NDST2: variants seen among roughly 807,000 people sequenced by gnomAD.
The protein encoded by NDST2 is N-deacetylase and N-sulfotransferase 2, also known as bifunctional heparan sulfate N-deacetylase/N-sulfotransferase 2.
NDST2 carries 32 observed loss-of-function variants against 86.9 expected under a neutral mutation model. The observed-to-expected ratio is 0.37, with a 90% CI of 0.28 to 0.49. The LOEUF (loss-of-function observed/expected upper bound fraction) is 0.49. NDST2 is among the 20% of genes least tolerant of loss of function. The pLI, the probability that NDST2 is intolerant of heterozygous loss-of-function variation, is 0.97. For missense variants in NDST2, 950 were observed against 1,146.9 expected, an observed-to-expected ratio of 0.83 and a Z score of 2.48; for synonymous variants, 409 against 437.0, an observed-to-expected ratio of 0.94 and a Z score of 0.80.
Position 73,808,068 on chromosome 10 carries a change from C to T in NDST2, c.321G>A (p.Glu107=), listed in dbSNP as rs2084136324. 6.2e-7 allele frequency: 1 copy of T among 1,614,260 alleles called. No homozygotes were observed. Among genetic ancestry groups the T allele is most frequent in the East Asian group, 2.2e-5 (1 of 44,890 alleles). ...CAGTGCTATAACGAAAACGACTAGA[C>T]TCCAGGATGGCCACAATTTCCTGCC... ...QLGQEIVAIL[E]SSRFRYSTEL... The change falls in exon 3 of 15, where the codon GAG becomes GAA. Residue 107 remains glutamate, a synonymous_variant. Coordinates refer to ENST00000309979, the MANE Select transcript of NDST2 (RefSeq NM_003635.4). The surrounding 1 kb of genome is among the most constrained non-coding windows in gnomAD (Gnocchi z 4.3).
rs752343039 is a variant in NDST2 at position 73,805,869 on chromosome 10, A to T, written c.1563+31T>A. The T allele has an allele frequency of 3.1e-6, 5 of 1,613,784 alleles. No homozygotes were observed. In the East Asian group the frequency reaches 8.9e-5, roughly 29 times the overall value. On this transcript the variant is annotated intron_variant, in intron 7 of 14. Transcript: ENST00000309979. Reference sequence around the variant, plus strand: ...CAGCCTGCAAACACCTTGGCTCTCCAATCTTCTAGCCGTTCCTCTCAGCAC... The same window carrying T: ...CAGCCTGCAAACACCTTGGCTCTCCTATCTTCTAGCCGTTCCTCTCAGCAC...
chr10:73,802,884 CAG>C (rs1236125024), intron 13 of NDST2, 86 bp downstream of exon 13: 5 of 1,522,740 alleles, frequency 3.3e-6, no homozygotes, highest in Non-Finnish European at 4.6e-6. Flanking sequence ...CCTTGTGAGA[CAG>C]AGTAAATCTA....
In NDST2 at chr10:73,802,441, G is replaced by A. The variant is rs746250236; in HGVS notation, c.*10C>T. 3.7e-6 allele frequency: 6 copies of A among 1,612,264 alleles called. No individual in the cohort carries two copies. In the African/African-American group the frequency reaches 6.7e-5, roughly 18 times the overall value. Reference sequence around the variant, plus strand: ...CAGGGGGCATTTTGCTGGTATGGGAGGCTGGGACATCAGCCCAGACTGGAA... The same window carrying A: ...CAGGGGGCATTTTGCTGGTATGGGAAGCTGGGACATCAGCCCAGACTGGAA... On this transcript the variant is annotated 3_prime_UTR_variant, in exon 15 of 15. Transcript: ENST00000309979.
Position 73,806,550 on chromosome 10 carries a change from CAAAT to C in NDST2, c.1249-80_1249-77del. On this transcript the variant is annotated intron_variant, in intron 5 of 14. Coordinates refer to ENST00000309979, the MANE Select transcript of NDST2 (RefSeq NM_003635.4). This position sits in a 1 kb window ranked among gnomAD's most constrained non-coding sequence, Gnocchi z 4.5. ...AGGGTAAAGAGGGTGGGGAAGCCTC[CAAAT>C]AAAGAAAAACGCAAAGGATAGGAAA... 2.6e-6 allele frequency: 4 copies of C among 1,551,684 alleles called. No homozygotes were observed. Among genetic ancestry groups the C allele is most frequent in the Non-Finnish European group, 3.5e-6 (4 of 1,144,072 alleles).
intron 9 of NDST2, among the ~76,000 whole-genome samples, 181 bp downstream of exon 9, chr10:73,804,592 G>A (rs1369846690): frequency 6.6e-6 from 1 of 151,928 alleles, no homozygotes; most frequent in Non-Finnish European, 1.5e-5. Context: ...AGCTGAGATC[G>A]TGCCACTGCG....
chr10:73,806,513 T>A lies in NDST2; in HGVS notation c.1249-39A>T. 2 of 1,550,902 alleles carry A rather than the reference T, an allele frequency of 1.3e-6. No homozygotes were observed. Among genetic ancestry groups the A allele is most frequent in the Non-Finnish European group, 8.7e-7 (1 of 1,144,054 alleles). ...AGACTCTCACCAGGACCTGGTGAGG[T>A]TTGGGGAGTAGAGGGTAAAGAGGGT... On this transcript the variant is annotated intron_variant, in intron 5 of 14. Transcript: ENST00000309979. This position sits in a 1 kb window ranked among gnomAD's most constrained non-coding sequence, Gnocchi z 4.5.
At chr10:73,810,036 T>C (rs1393178266) in intron 2 of NDST2, among the ~76,000 whole-genome samples, 2 of 152,168 alleles carry the variant, frequency 1.3e-5, no homozygotes, top group African/African-American at 4.8e-5. Flanking sequence ...TTCTGTAAGC[T>C]TTATTGTCAC....
intron 3 of NDST2, 29 bp downstream of exon 3, chr10:73,807,355 A>G (rs2084121040): frequency 1.2e-6 from 2 of 1,608,930 alleles, no homozygotes; most frequent in Non-Finnish European, 1.7e-6. Flanking sequence ...AATAGCTTCT[A>G]AGAAAAAAAT....
chr10:73,806,325 G>A lies in NDST2; in HGVS notation c.1398C>T (p.Ala466=), dbSNP rs1258184117. The A allele has an allele frequency of 6.2e-7, 1 of 1,614,016 alleles. No homozygotes were observed. Among genetic ancestry groups the A allele is most frequent in the African/African-American group, 1.3e-5 (1 of 74,918 alleles). Residue 466 remains alanine (A), a synonymous_variant, in exon 6 of 15, where the codon GCC becomes GCT. Coordinates refer to ENST00000309979, the MANE Select transcript of NDST2 (RefSeq NM_003635.4). This position sits in a 1 kb window ranked among gnomAD's most constrained non-coding sequence, Gnocchi z 4.5. ...TGTGAATGAAGCCACGGCGGTAGCGGGCAGGGCGGAGATGGGGATACTCCT... is the reference window on the plus strand; with the variant it reads ...TGTGAATGAAGCCACGGCGGTAGCGAGCAGGGCGGAGATGGGGATACTCCT... ...STEEYPHLRP[A]RYRRGFIHNG...
rs546566125 is a variant in NDST2 at position 73,810,052 on chromosome 10, C to G, written c.-342+747G>C. Reference sequence around the variant, plus strand: ...TCTGTAAGCTTTATTGTCACTATCCCCACTCAGCCTCCTTGTAAGGCTGGC... The same window carrying G: ...TCTGTAAGCTTTATTGTCACTATCCGCACTCAGCCTCCTTGTAAGGCTGGC... On this transcript the variant is annotated intron_variant, in intron 2 of 14. Transcript: ENST00000309979. Among the ~76,000 whole-genome samples, 6 of 152,276 alleles carry G rather than the reference C, an allele frequency of 3.9e-5. No individual in the cohort carries two copies. The East Asian group carries it at 1.2e-3, about 29-fold the overall frequency.
At position 73,806,830 on chromosome 10, in the gene NDST2, C is replaced by A; in HGVS notation, c.1094-19G>T. On this transcript the variant is annotated intron_variant, in intron 4 of 14. Transcript: ENST00000309979. The surrounding 1 kb of genome is among the most constrained non-coding windows in gnomAD (Gnocchi z 4.5). ...TCTGTCCCTATGACCACACGCTGAC[C>A]ACTGACCACAGCCAGTCAGCCCCTG... 1 of 1,609,072 alleles carries A rather than the reference C, an allele frequency of 6.2e-7. No homozygotes were observed. The highest frequency in any genetic ancestry group is 8.5e-7 in the Non-Finnish European group (1 of 1,175,878).
chr10:73,802,723 C>T lies in NDST2; in HGVS notation c.2477G>A (p.Arg826His), dbSNP rs139504385. 61 of 1,614,044 alleles carry T rather than the reference C, an allele frequency of 3.8e-5. 1 individual carries two copies. The highest frequency in any genetic ancestry group is 4.7e-5 in the Non-Finnish European group (55 of 1,180,034). Reference protein sequence around the residue: ...WCQGLEGGKTRCLGRSKGRRY... With the variant: ...WCQGLEGGKTHCLGRSKGRRY... Reference sequence around the variant, plus strand: ...CCGGCCTTTGCTCCGGCCTAGACAGCGAGTCTTACCACCTTCAAGTCCCTG... The same window carrying T: ...CCGGCCTTTGCTCCGGCCTAGACAGTGAGTCTTACCACCTTCAAGTCCCTG... Residue 826 changes from arginine (R) to histidine (H), a missense_variant, in exon 14 of 15, where the codon CGC (arginine) becomes CAC (histidine). Around this residue, in one of 5 missense-constraint regions of NDST2, gnomAD observed 303 missense variants for 323.7 expected, o/e 0.94. Coordinates refer to ENST00000309979, the MANE Select transcript of NDST2 (RefSeq NM_003635.4).
chr10:73,810,461 A>AAAAAATAAAAAT (rs767609292), intron 2 of NDST2, among the ~76,000 whole-genome samples: 1 of 152,094 alleles, frequency 6.6e-6, no homozygotes, highest in African/African-American at 2.4e-5. Context: ...CCAGCTCAAA[A>AAAAAATAAAAAT]AAAAATAAAA....
Position 73,806,864 on chromosome 10 carries a change from T to C in NDST2, c.1094-53A>G. The C allele has an allele frequency of 6.3e-7, 1 of 1,595,770 alleles. No homozygotes were observed. The highest frequency in any genetic ancestry group is 2.2e-5 in the East Asian group (1 of 44,478). On this transcript the variant is annotated intron_variant, in intron 4 of 14. Coordinates refer to ENST00000309979, the MANE Select transcript of NDST2 (RefSeq NM_003635.4). This position sits in a 1 kb window ranked among gnomAD's most constrained non-coding sequence, Gnocchi z 4.5. ...CAGCCAGTCAGCCCCTGTTCCCTCC[T>C]TTATTTTGTAACAACACTGACCACC...
chr10:73,801,925 G>A lies in NDST2; in HGVS notation c.*526C>T, dbSNP rs1370648406. The A allele has an allele frequency of 6.7e-6, 3 of 446,646 alleles. No homozygotes were observed. Among genetic ancestry groups the A allele is most frequent in the Non-Finnish European group, 1.1e-5 (3 of 260,920 alleles). 27.7% of individuals were successfully genotyped at this position (446,646 alleles called of 1,614,324 possible). A position where few individuals can be genotyped will look rare whatever the true frequency, so the allele number is the denominator to read the frequency against. ...GGAGGCAGACAAAACAGAAAAATAAGGATGTTTATTAAGGACATTTCTAGC... is the reference window on the plus strand; with the variant it reads ...GGAGGCAGACAAAACAGAAAAATAAAGATGTTTATTAAGGACATTTCTAGC... On this transcript the variant is annotated 3_prime_UTR_variant, in exon 15 of 15. Transcript: ENST00000309979. The surrounding 1 kb of genome is among the most constrained non-coding windows in gnomAD (Gnocchi z 4.9).
Position 73,802,298 on chromosome 10 carries a change from AGG to A in NDST2, c.*151_*152del. On this transcript the variant is annotated 3_prime_UTR_variant, in exon 15 of 15. Transcript: ENST00000309979. ...TTATTTGTCCCAGAACTGTGGGAAA[AGG>A]ATACCCTTCCCTTCTCAGCCATCTC... The A allele has an allele frequency of 1.3e-6, 1 of 753,756 alleles. No homozygotes were observed. Among genetic ancestry groups the A allele is most frequent in the South Asian group, 1.8e-5 (1 of 54,710 alleles). 46.7% of individuals were successfully genotyped at this position (753,756 alleles called of 1,614,324 possible).
chr10:73,807,718 C>G lies in NDST2; in HGVS notation c.671G>C (p.Gly224Ala). Residue 224 changes from glycine to alanine, a missense_variant, in exon 3 of 15, where the codon GGT (glycine) becomes GCT (alanine). Physicochemically the swap from Gly to Ala is moderately conservative, Grantham distance 60. This residue lies in a region of NDST2 where 586 missense variants were observed against 714.0 expected (regional missense o/e 0.82). Transcript: ENST00000309979. ...GGATTGGAAGATGGTCCAGTCATCACCAGGCAGTGGCCCTGGTTCTAGGCG... is the reference window on the plus strand; with the variant it reads ...GGATTGGAAGATGGTCCAGTCATCAGCAGGCAGTGGCCCTGGTTCTAGGCG... ...PSRLEPGPLP[G>A]DDWTIFQSNH... 1.2e-6 allele frequency: 2 copies of G among 1,614,202 alleles called. No individual in the cohort carries two copies. Among genetic ancestry groups the G allele is most frequent in the Non-Finnish European group, 1.7e-6 (2 of 1,180,040 alleles).
rs751219619 is a variant in NDST2 at position 73,805,598 on chromosome 10, G to C, written c.1735C>G (p.Pro579Ala). 6.2e-7 allele frequency: 1 copy of C among 1,614,058 alleles called. No individual in the cohort carries two copies. The highest frequency in any genetic ancestry group is 1.1e-5 in the South Asian group (1 of 91,062). The change falls in exon 8 of 15, where the codon CCC becomes GCC. Residue 579 changes from proline (P) to alanine (A), a missense_variant. By Grantham distance (27) the Pro-to-Ala change is conservative (BLOSUM62 -1). Transcript: ENST00000309979. ...AGCTCCACCTTTACCTGCCAAAGGG[G>C]GCTTCGCTCCTGAGGGAAAAGTTCA... ...YFELFPQERS[P>A]LWQNPCDDKR...
intron 8 of NDST2, among the ~76,000 whole-genome samples, 165 bp downstream of exon 8, chr10:73,805,422 G>A (rs1333164616): frequency 2.6e-5 from 4 of 152,062 alleles, no homozygotes; most frequent in African/African-American, 9.7e-5. Context: ...GCTGAGGCAG[G>A]AGAATCGCTT....
Sources: allele counts gnomAD v4.1 joint callset (sites outside exome capture counted in the v4.1 genomes callset), GRCh38; gene constraint gnomAD v4.1.1; regional missense constraint gnomAD v4.1.1; non-coding constraint Gnocchi (gnomAD v3.1); transcripts MANE v1.5; gene names NCBI Gene and HGNC (gene_info 2026-07-23, HGNC 2026-07-21).